GABRA3: variants seen among roughly 807,000 people sequenced by gnomAD.
GABRA3 encodes gamma-aminobutyric acid receptor subunit alpha-3.
Under a neutral mutation model 30.1 loss-of-function variants are expected in GABRA3, and 10 were observed. That is an observed-to-expected ratio of 0.33 (90% CI 0.20 to 0.56). GABRA3 has a LOEUF of 0.56. GABRA3 is among the 20% of genes least tolerant of loss of function. GABRA3 has a pLI of 0.89. For synonymous variants in GABRA3, 151 were observed against 146.8 expected, an observed-to-expected ratio of 1.03 and a Z score of -0.21; for missense variants, 233 against 392.0, an observed-to-expected ratio of 0.59 and a Z score of 3.42.
intron 1 of GABRA3, chrX:152,394,451 A>G (rs1319250443): frequency 2.6e-6 from 1 of 387,432 alleles, no homozygotes; most frequent in Non-Finnish European, 5.2e-6. Flanking sequence ...GTGGTGCATA[A>G]GCAGCCACCA....
chrX:152,207,608 C>T (rs1038519778), intron 7 of GABRA3, among the ~76,000 whole-genome samples: 1 of 112,155 alleles, frequency 8.9e-6, no homozygotes, highest in Non-Finnish European at 1.9e-5. Context: ...AATGTGCCAC[C>T]TCAGCACAGG....
intron 1 of GABRA3, chrX:152,389,383 T>C (rs1232917336): frequency 8.9e-6 from 1 of 111,797 alleles, no homozygotes; most frequent in African/African-American, 3.2e-5. Flanking sequence ...TGTTATGTGA[T>C]ACACAGAACA....
chrX:152,254,046 C>T (rs1938598244), intron 5 of GABRA3, among the ~76,000 whole-genome samples: 1 of 111,707 alleles, frequency 9.0e-6, no homozygotes, highest in African/African-American at 3.2e-5. Context: ...TCCTATTAGT[C>T]TTTCTCCCCT....
At chrX:152,248,207 A>G (rs1180651865) in intron 5 of GABRA3, among the ~76,000 whole-genome samples, 1 of 102,812 alleles carries the variant, frequency 9.7e-6, no homozygotes, top group African/African-American at 4.0e-5. Flanking sequence ...TTTCAATTTA[A>G]AAAAAAAAAC....
At chrX:152,181,820 A>G (rs181893470) in intron 9 of GABRA3, among the ~76,000 whole-genome samples, 131 of 92,309 alleles carry the variant, frequency 1.4e-3, no homozygotes, top group African/African-American at 5.5e-3. Flanking sequence ...TTAAAGTATA[A>G]TAATAAAAAA....
chrX:152,238,076 T>G (rs1356802073), intron 5 of GABRA3, among the ~76,000 whole-genome samples: 1 of 107,940 alleles, frequency 9.3e-6, no homozygotes, highest in Admixed American at 9.9e-5. Flanking sequence ...GTGCCAGTTT[T>G]CAAAGGGAAT....
intron 1 of GABRA3, among the ~76,000 whole-genome samples, chrX:152,390,835 A>G (rs192494666): frequency 1.9e-4 from 21 of 111,989 alleles, no homozygotes; most frequent in Admixed American, 7.6e-4. Flanking sequence ...ACTTTAAAAA[A>G]ACAAGCATAT....
chrX:152,435,288 A>G (rs1234788829), intron 1 of GABRA3, among the ~76,000 whole-genome samples: 1 of 111,323 alleles, frequency 9.0e-6, no homozygotes, highest in Non-Finnish European at 1.9e-5. Flanking sequence ...ATAAAGGTGC[A>G]TGCACACGTT....
intron 5 of GABRA3, 59 bp downstream of exon 5, chrX:152,255,719 T>C (rs1009330245): frequency 6.9e-6 from 7 of 1,015,521 alleles, no homozygotes; most frequent in African/African-American, 5.6e-5. Context: ...TAAAACATTC[T>C]GCTTTCAAGC....
At chrX:152,232,067 A>C (rs1480233163) in intron 5 of GABRA3, among the ~76,000 whole-genome samples, 1 of 111,490 alleles carries the variant, frequency 9.0e-6, no homozygotes, top group African/African-American at 3.2e-5. Context: ...TCTAAACTTG[A>C]ATTTTGGTTA....
intron 3 of GABRA3, among the ~76,000 whole-genome samples, chrX:152,298,576 A>G (rs1327755744): frequency 9.0e-6 from 1 of 110,728 alleles, no homozygotes; most frequent in Non-Finnish European, 1.9e-5. Context: ...ATGGCTGCAT[A>G]GTGTTCCATG....
chrX:152,262,447 C>T lies in GABRA3; in HGVS notation c.331-6449G>A, dbSNP rs772484918. On this transcript the variant is annotated intron_variant, in intron 4 of 9. Transcript: ENST00000370314. The stretch of plus-strand genomic sequence containing the variant: ...CTTTGCCACTTAGAAATTTCTTCCA[C>T]CAGATACCCTAAATCATCTCTTTCA... Among the ~76,000 whole-genome samples the T allele has an allele frequency of 2.3e-4, 26 of 112,132 alleles. No individual in the cohort carries two copies. In the South Asian group the frequency reaches 5.6e-3, roughly 24 times the overall value.
intron 2 of GABRA3, among the ~76,000 whole-genome samples, chrX:152,359,050 T>A (rs190406192): frequency 3.6e-5 from 4 of 111,785 alleles, no homozygotes; most frequent in Non-Finnish European, 3.8e-5. Context: ...GGTTTTGGTA[T>A]CAGGATGATG....
chrX:152,225,806 T>G (rs1170763773), intron 5 of GABRA3, among the ~76,000 whole-genome samples: 1 of 110,337 alleles, frequency 9.1e-6, no homozygotes, highest in East Asian at 2.9e-4. Flanking sequence ...GAGCTACTTC[T>G]AACTAGCCTT....
chrX:152,169,956 A>G (rs1339647669), intron 9 of GABRA3, among the ~76,000 whole-genome samples: 1 of 111,010 alleles, frequency 9.0e-6, no homozygotes, highest in Non-Finnish European at 1.9e-5. Flanking sequence ...TTTCTCCTTT[A>G]GACGTCACTG....
chrX:152,262,655 G>A (rs775456240), intron 4 of GABRA3, among the ~76,000 whole-genome samples: 2 of 111,999 alleles, frequency 1.8e-5, no homozygotes, highest in South Asian at 7.5e-4. Flanking sequence ...CATTCAATGA[G>A]TCTCTAGGAA....
At chrX:152,448,211 C>T (rs1442083706) in intron 1 of GABRA3, among the ~76,000 whole-genome samples, 2 of 112,037 alleles carry the variant, frequency 1.8e-5, no homozygotes, top group Non-Finnish European at 3.8e-5. Flanking sequence ...ACAGCAGTTT[C>T]AGGATCACCT....
At chrX:152,256,556 G>T (rs894905682) in intron 4 of GABRA3, among the ~76,000 whole-genome samples, 1 of 111,587 alleles carries the variant, frequency 9.0e-6, no homozygotes, top group Non-Finnish European at 1.9e-5. Flanking sequence ...AGATAAAAAT[G>T]GGTAAATGAA....
chrX:152,334,468 CA>C (rs1292235548), intron 3 of GABRA3, among the ~76,000 whole-genome samples: 1 of 111,766 alleles, frequency 8.9e-6, no homozygotes, highest in Non-Finnish European at 1.9e-5. Flanking sequence ...AATGAATCTA[CA>C]AAAAAAGCTA....
Sources: gnomAD v4.1 joint callset for allele counts (sites outside exome capture counted in the v4.1 genomes callset) on GRCh38, gnomAD v4.1.1 for gene constraint, MANE v1.5 for transcripts, NCBI Gene and HGNC (gene_info 2026-07-23, HGNC 2026-07-21) for gene names.